The following SEMA6D variants were observed in gnomAD, a reference collection of about 807,000 sequenced individuals.
SEMA6D encodes the protein semaphorin 6D, also known as semaphorin-6D.
SEMA6D carries 35 observed loss-of-function variants against 106.6 expected under a neutral mutation model. The observed-to-expected ratio is 0.33, with a 90% CI of 0.25 to 0.44. SEMA6D has a LOEUF of 0.44. Ranked by LOEUF, SEMA6D falls within the 20% of genes least tolerant of loss-of-function variation. The pLI is 1.00. For missense variants in SEMA6D, 1,185 were observed against 1,345.9 expected (o/e 0.88, Z 1.87); for synonymous variants, 499 against 487.7 (o/e 1.02, Z -0.31).
chr15:47,516,854 A>T (rs1042275419), intron 3 of SEMA6D, among the ~76,000 whole-genome samples: 5 of 152,344 alleles, frequency 3.3e-5, no homozygotes, highest in South Asian at 2.1e-4. Flanking sequence ...CGAGGAGTCC[A>T]CACTCAAAAG....
At chr15:47,293,625 A>G (rs1331294660) in intron 1 of SEMA6D, among the ~76,000 whole-genome samples, 2 of 152,196 alleles carry the variant, frequency 1.3e-5, no homozygotes, top group Non-Finnish European at 2.9e-5. Context: ...GTGTATATTT[A>G]TATTTCACCT....
chr15:47,644,667 A>G (rs906106337), intron 4 of SEMA6D, among the ~76,000 whole-genome samples: 1 of 152,216 alleles, frequency 6.6e-6, no homozygotes, highest in African/African-American at 2.4e-5. Flanking sequence ...CCCTCGCCAG[A>G]CACCAAATGC....
At chr15:47,202,488 C>T (rs1003551357) in intron 1 of SEMA6D, among the ~76,000 whole-genome samples, 3 of 152,050 alleles carry the variant, frequency 2.0e-5, no homozygotes, top group Admixed American at 2.0e-4. Flanking sequence ...TGTACATGCT[C>T]ACCTCCCAAG....
At chr15:47,211,886 C>T (rs1310072739) in intron 1 of SEMA6D, among the ~76,000 whole-genome samples, 1 of 151,728 alleles carries the variant, frequency 6.6e-6, no homozygotes, top group African/African-American at 2.4e-5. Context: ...AATTAGCTCT[C>T]CTGAAGTTAT....
chr15:47,514,213 T>TG (rs2044317959), intron 3 of SEMA6D, among the ~76,000 whole-genome samples: 1 of 152,218 alleles, frequency 6.6e-6, no homozygotes, highest in Non-Finnish European at 1.5e-5. Context: ...TGTTTTTTCC[T>TG]GGGGGCAAGA....
In SEMA6D at chr15:47,764,889, A is replaced by G. The variant is rs111710331; in HGVS notation, c.1260A>G (p.Arg420=). ...PWFTKTRVRY[R]LTAISVDHSA... ...GTGCCGCCTCCTCTTGTAGGTACAG[A>G]CTGACGGCCATCTCAGTGGACCATT... Residue 420 remains arginine (R), a synonymous_variant, in exon 13 of 19, where the codon AGA becomes AGG. Coordinates refer to ENST00000536845, the MANE Select transcript of SEMA6D (RefSeq NM_001358351.3). The G allele has an allele frequency of 4.2e-5, 68 of 1,613,798 alleles. No homozygotes were observed. In the African/African-American group the frequency reaches 4.5e-4, roughly 11 times the overall value.
rs114122865 is a variant in SEMA6D at position 47,638,186 on chromosome 15, T to C, written c.-55+37290T>C. On this transcript the variant is annotated intron_variant, in intron 4 of 19. Coordinates refer to the SEMA6D transcript ENST00000558014. ...TTCATAACAGTTTCTCTCTGGGACC[T>C]TCTTGAAAAATGGCCGTATGATGTG... is the stretch of plus-strand genomic sequence containing the variant. Among the ~76,000 whole-genome samples the C allele has an allele frequency of 4.9e-3, 740 of 152,282 alleles. 2 individuals are homozygous for C. The highest frequency in any genetic ancestry group is 0.017 in the African/African-American group (689 of 41,560).
At position 47,761,667 on chromosome 15, in the gene SEMA6D, A is replaced by G; in HGVS notation, c.454A>G (p.Thr152Ala). The G allele has an allele frequency of 6.2e-7, 1 of 1,612,054 alleles. No homozygotes were observed. Among genetic ancestry groups the G allele is most frequent in the South Asian group, 1.1e-5 (1 of 90,622 alleles). Residue 152 changes from threonine (T) to alanine (A), a missense_variant, in exon 7 of 19, where the codon ACC becomes GCC. By Grantham distance (58) the Thr-to-Ala change is moderately conservative (BLOSUM62 0). Coordinates refer to ENST00000536845, the MANE Select transcript of SEMA6D (RefSeq NM_001358351.3). ...NPMCRYYRLSTLEYDGEEISG... is the reference protein window; with the variant it reads ...NPMCRYYRLSALEYDGEEISG... ...ATTTACTTTTCTTTTGTAGTTGAGTACCTTAGAATATGATGGGGAAGAAAT... is the reference window on the plus strand; with the variant it reads ...ATTTACTTTTCTTTTGTAGTTGAGTGCCTTAGAATATGATGGGGAAGAAAT...
intron 4 of SEMA6D, among the ~76,000 whole-genome samples, chr15:47,670,013 G>A (rs957228756): frequency 3.9e-5 from 6 of 152,116 alleles, no homozygotes; most frequent in African/African-American, 1.4e-4. Flanking sequence ...GTCATTCCTC[G>A]CCTGTGGACA....
intron 3 of SEMA6D, among the ~76,000 whole-genome samples, chr15:47,509,892 T>A (rs1242884155): frequency 6.6e-6 from 1 of 152,218 alleles, no homozygotes; most frequent in African/African-American, 2.4e-5. Context: ...GTGATTCCAA[T>A]GCGTGCCAAC....
At chr15:47,365,915 GAGAGAGAGAA>G (rs748682115) in intron 1 of SEMA6D, among the ~76,000 whole-genome samples, 2 of 90,524 alleles carry the variant, frequency 2.2e-5, no homozygotes, top group Non-Finnish European at 5.3e-5. Context: ...GAGAGAGAGA[GAGAGAGAGAA>G]AAGAAAGAAA....
intron 1 of SEMA6D, among the ~76,000 whole-genome samples, chr15:47,224,270 C>T (rs1391328682): frequency 6.6e-6 from 1 of 151,486 alleles, no homozygotes; most frequent in Non-Finnish European, 1.5e-5. Context: ...CTTCAAAGAC[C>T]AAGTTGAATG....
chr15:47,463,040 T>G lies in SEMA6D; in HGVS notation c.-158-7434T>G, dbSNP rs73407059. Among the ~76,000 whole-genome samples, 1,373 of 152,040 alleles carry G rather than the reference T, an allele frequency of 9.0e-3. 12 individuals carry two copies. The highest frequency in any genetic ancestry group is 0.032 in the African/African-American group (1,322 of 41,498). ...GAACTTGGATATGGAAAGGACTTTT[T>G]AAAAAAAATGAAGAAAAGGATCTTC... is the stretch of plus-strand genomic sequence containing the variant. On this transcript the variant is annotated intron_variant, in intron 2 of 19. Coordinates refer to the SEMA6D transcript ENST00000558014.
intron 2 of SEMA6D, among the ~76,000 whole-genome samples, chr15:47,463,723 T>G (rs1029393808): frequency 5.9e-5 from 9 of 152,182 alleles, no homozygotes; most frequent in Admixed American, 5.2e-4. Context: ...AGTTGTCAGA[T>G]AGTTGGTGGT....
intron 1 of SEMA6D, among the ~76,000 whole-genome samples, chr15:47,283,258 A>C (rs1488819472): frequency 6.6e-6 from 1 of 152,154 alleles, no homozygotes; most frequent in Admixed American, 6.5e-5. Context: ...CAATCAGCAG[A>C]AGGAAAAGTA....
chr15:47,589,966 T>C (rs571955348), intron 3 of SEMA6D, among the ~76,000 whole-genome samples: 416 of 152,314 alleles, frequency 2.7e-3, no homozygotes, highest in African/African-American at 9.7e-3. Flanking sequence ...TGGTTCTAGA[T>C]TGGGGTCTGT....
intron 3 of SEMA6D, among the ~76,000 whole-genome samples, chr15:47,523,090 C>T (rs991027526): frequency 6.6e-6 from 1 of 152,186 alleles, no homozygotes; most frequent in African/African-American, 2.4e-5. Context: ...ATACTCCTCC[C>T]ATCTTCCATC....
intron 4 of SEMA6D, among the ~76,000 whole-genome samples, chr15:47,691,025 G>C (rs182681236): frequency 6.6e-6 from 1 of 152,108 alleles, no homozygotes; most frequent in Non-Finnish European, 1.5e-5. Flanking sequence ...GGCGTTGTCT[G>C]TGTTGTCTCG....
At chr15:47,358,357 C>G (rs993512613) in intron 1 of SEMA6D, among the ~76,000 whole-genome samples, 1 of 151,836 alleles carries the variant, frequency 6.6e-6, no homozygotes, top group Non-Finnish European at 1.5e-5. Flanking sequence ...TTCTTCTTTT[C>G]ACAGCAACTT....
Sources: gnomAD v4.1 joint callset for allele counts (sites outside exome capture counted in the v4.1 genomes callset) on GRCh38, gnomAD v4.1.1 for gene constraint, MANE v1.5 for transcripts, NCBI Gene and HGNC (gene_info 2026-07-23, HGNC 2026-07-21) for gene names.